Variants in PCDHA9 observed in about 807,000 individuals in gnomAD.
PCDHA9 encodes the protein protocadherin alpha 9, also known as protocadherin alpha-9.
Under a neutral mutation model 62.0 loss-of-function variants are expected in PCDHA9, and 62 were observed. The ratio of observed to expected loss-of-function variants is 1.00; its 90% CI spans 0.81 to 1.23. PCDHA9 has a LOEUF of 1.23. PCDHA9 is among the 50% of genes most tolerant of loss of function. PCDHA9 has a pLI of 0.00. For missense variants in PCDHA9, 1,205 were observed against 1,249.8 expected, an observed-to-expected ratio of 0.96 and a Z score of 0.54; for synonymous variants, 557 against 567.6, an observed-to-expected ratio of 0.98 and a Z score of 0.27.
rs1210767626 is a variant in PCDHA9 at position 141,010,197 on chromosome 5, C to T, written c.*260C>T. 1 of 1,552,200 alleles carries T rather than the reference C, an allele frequency of 6.4e-7. No homozygotes were observed. The highest frequency in any genetic ancestry group is 1.2e-5 in the South Asian group (1 of 84,134). On this transcript the variant is annotated 3_prime_UTR_variant, in exon 4 of 4. Coordinates refer to ENST00000532602, the MANE Select transcript of PCDHA9 (RefSeq NM_031857.2). ...AAAAGCAGACCCAAGTTTCCTTTCT[C>T]CTCCGCCGCAAAGGAGAGGCTTCCC...
chr5:140,876,286 G>C (rs782471001), intron 1 of PCDHA9: 14 of 1,614,040 alleles, frequency 8.7e-6, no homozygotes, highest in Non-Finnish European at 1.0e-5. Context: ...TCCAGACGAA[G>C]GACTTAATGG....
At chr5:140,915,069 C>T (rs2076962975) in intron 1 of PCDHA9, among the ~76,000 whole-genome samples, 2 of 151,484 alleles carry the variant, frequency 1.3e-5, no homozygotes, top group Admixed American at 6.6e-5. Flanking sequence ...CCTTAGCCTA[C>T]TGAGTAGCTG....
At chr5:140,870,863 G>A in intron 1 of PCDHA9, 1 of 1,613,928 alleles carries the variant, frequency 6.2e-7, no homozygotes, top group Non-Finnish European at 8.5e-7. Flanking sequence ...GTGGGTGCGG[G>A]CCACGTGGTG....
At chr5:140,900,439 G>A (rs1348507716) in intron 1 of PCDHA9, among the ~76,000 whole-genome samples, 1 of 152,242 alleles carries the variant, frequency 6.6e-6, no homozygotes, top group East Asian at 1.9e-4. Context: ...CACCACGGCC[G>A]GCTAATTTTT....
chr5:140,952,512 C>T (rs1381568463), intron 1 of PCDHA9, among the ~76,000 whole-genome samples: 1 of 152,124 alleles, frequency 6.6e-6, no homozygotes, highest in Non-Finnish European at 1.5e-5. Flanking sequence ...TCCTCATCTC[C>T]ATCTGAGACC....
At chr5:140,919,945 A>G (rs1456572905) in intron 1 of PCDHA9, among the ~76,000 whole-genome samples, 1 of 151,572 alleles carries the variant, frequency 6.6e-6, no homozygotes, top group Non-Finnish European at 1.5e-5. Flanking sequence ...ATTCCAGTGA[A>G]AAGTTTGTTT....
At chr5:140,890,830 A>G (rs903756043) in intron 1 of PCDHA9, among the ~76,000 whole-genome samples, 1 of 152,182 alleles carries the variant, frequency 6.6e-6, no homozygotes, top group Non-Finnish European at 1.5e-5. Context: ...GTACTTACAT[A>G]TTTACCAGTT....
At chr5:140,966,741 G>A in intron 1 of PCDHA9, 1 of 1,421,320 alleles carries the variant, frequency 7.0e-7, no homozygotes, top group Non-Finnish European at 9.1e-7. Context: ...GGCCCTGCCC[G>A]GCTGCCTCCG....
chr5:140,985,532 G>A (rs1358120172), intron 3 of PCDHA9, among the ~76,000 whole-genome samples: 2 of 152,190 alleles, frequency 1.3e-5, no homozygotes, highest in African/African-American at 4.8e-5. Context: ...AAAGCTTCAC[G>A]GTGAAGATGC....
At chr5:140,924,312 T>G (rs752006188) in intron 1 of PCDHA9, among the ~76,000 whole-genome samples, 84 of 152,338 alleles carry the variant, frequency 5.5e-4, no homozygotes, top group Non-Finnish European at 7.9e-4. Context: ...TCCTTTAATT[T>G]TATCTGAGAC....
At chr5:140,970,650 ATTG>A (rs2096422935) in intron 1 of PCDHA9, among the ~76,000 whole-genome samples, 1 of 152,200 alleles carries the variant, frequency 6.6e-6, no homozygotes, top group South Asian at 2.1e-4. Flanking sequence ...ATAGTGATGA[ATTG>A]TTATCTTTCC....
At chr5:140,887,333 T>A (rs1214047567) in intron 1 of PCDHA9, among the ~76,000 whole-genome samples, 1 of 152,174 alleles carries the variant, frequency 6.6e-6, no homozygotes, top group African/African-American at 2.4e-5. Context: ...CCTGACCTCG[T>A]GATCCACCTG....
chr5:140,871,644 C>A, intron 1 of PCDHA9: 2 of 1,286,330 alleles, frequency 1.6e-6, no homozygotes, highest in Non-Finnish European at 2.1e-6. Flanking sequence ...CATAAAATAC[C>A]AAATGATACA....
At chr5:140,880,870 G>T (rs1413243877) in intron 1 of PCDHA9, among the ~76,000 whole-genome samples, 1 of 152,142 alleles carries the variant, frequency 6.6e-6, no homozygotes, top group East Asian at 1.9e-4. Context: ...ATGTGAAGAG[G>T]TAAATAAAGA....
intron 1 of PCDHA9, among the ~76,000 whole-genome samples, chr5:140,943,562 T>G (rs246066): frequency 0.58 from 88,255 of 152,018 alleles, 26,572 homozygotes; most frequent in African/African-American, 0.75. Flanking sequence ...ACAATAATCA[T>G]TTTAATTTGT....
At chr5:140,982,268 A>G (rs2096974621) in intron 2 of PCDHA9, 3 of 885,512 alleles carry the variant, frequency 3.4e-6, no homozygotes, top group South Asian at 2.2e-5. Flanking sequence ...TGTTCCTGGA[A>G]TAGTATAGCA....
At chr5:140,893,219 G>C (rs1273209081) in intron 1 of PCDHA9, among the ~76,000 whole-genome samples, 1 of 152,194 alleles carries the variant, frequency 6.6e-6, no homozygotes, top group Non-Finnish European at 1.5e-5. Flanking sequence ...GGAGGTGCAG[G>C]TATCACTTTG....
At chr5:140,984,132 G>A (rs1395953013) in intron 3 of PCDHA9, among the ~76,000 whole-genome samples, 1 of 152,240 alleles carries the variant, frequency 6.6e-6, no homozygotes, top group African/African-American at 2.4e-5. Context: ...GTTGCAGGAT[G>A]TGGAGGCATC....
chr5:140,961,434 A>G (rs2095611315), intron 1 of PCDHA9, among the ~76,000 whole-genome samples: 1 of 152,174 alleles, frequency 6.6e-6, no homozygotes, highest in African/African-American at 2.4e-5. Context: ...TTACAAAATC[A>G]CCTAACTACA....
Sources: allele counts gnomAD v4.1 joint callset (sites outside exome capture counted in the v4.1 genomes callset), GRCh38; gene constraint gnomAD v4.1.1; transcripts MANE v1.5; gene names NCBI Gene and HGNC (gene_info 2026-07-23, HGNC 2026-07-21).